Variants in PLSCR3 observed in about 807,000 individuals in gnomAD.
The protein encoded by PLSCR3 is phospholipid scramblase 3, also known as PL scramblase 3.
PLSCR3 carries 17 observed loss-of-function variants against 33.7 expected under a neutral mutation model. The ratio of observed to expected loss-of-function variants is 0.50; its 90% CI spans 0.35 to 0.76. PLSCR3 has a LOEUF of 0.76. Ranked by LOEUF, PLSCR3 falls within the 30% of genes least tolerant of loss-of-function variation. The pLI is 0.01. For missense variants in PLSCR3, 360 were observed against 394.1 expected (o/e 0.91, Z 0.73); for synonymous variants, 166 against 166.0 (o/e 1.00, Z 0.00).
In PLSCR3 at chr17:7,394,366, C is replaced by T. The variant is rs1906007621; in HGVS notation, c.-157-99G>A. 2 of 484,044 alleles carry T rather than the reference C, an allele frequency of 4.1e-6. No individual in the cohort carries two copies. Among genetic ancestry groups the T allele is most frequent in the South Asian group, 3.2e-5 (1 of 31,560 alleles). 30.0% of individuals were successfully genotyped at this position (484,044 alleles called of 1,614,324 possible). A position where few individuals can be genotyped will look rare whatever the true frequency, so the allele number is the denominator to read the frequency against. ...CAGAACCGCCCCCTCCCTTTGTTCT[C>T]CCATCCTGCGGAGGAGGCTGTGGGC... is the stretch of plus-strand genomic sequence containing the variant. On this transcript the variant is annotated intron_variant, in intron 1 of 7. Transcript: ENST00000619711. The surrounding 1 kb of genome is among the most constrained non-coding windows in gnomAD (Gnocchi z 5.3).
At chr17:7,393,880 G>T (rs368863114) in intron 2 of PLSCR3, 44 bp from the exon 3 acceptor site, 2 of 1,246,304 alleles carry the variant, frequency 1.6e-6, no homozygotes, top group Non-Finnish European at 2.2e-6. Context: ...GGGACTCAAG[G>T]CCTCATCCCC....
chr17:7,392,808 T>C lies in PLSCR3; in HGVS notation c.652A>G (p.Thr218Ala). The change falls in exon 6 of 8, where the codon ACA (threonine) becomes GCA (alanine). Residue 218 changes from threonine to alanine, a missense_variant. Physicochemically the swap from Thr to Ala is moderately conservative, Grantham distance 58. Coordinates refer to ENST00000619711, the MANE Select transcript of PLSCR3 (RefSeq NM_020360.4). ...CCTGATACCTCAAAGTTGGTGTCTGTGCCACAGCCACAGGTCCAGCAGGGC... is the reference window on the plus strand; with the variant it reads ...CCTGATACCTCAAAGTTGGTGTCTGCGCCACAGCCACAGGTCCAGCAGGGC... ...VGPCWTCGCG[T>A]DTNFEVKTRD... The C allele has an allele frequency of 6.2e-7, 1 of 1,614,024 alleles. No homozygotes were observed. Among genetic ancestry groups the C allele is most frequent in the Middle Eastern group, 1.6e-4 (1 of 6,062 alleles).
At position 7,393,298 on chromosome 17, in the gene PLSCR3, T is replaced by C; in HGVS notation, c.353A>G (p.Gln118Arg). 1 of 1,610,348 alleles carries C rather than the reference T, an allele frequency of 6.2e-7. No homozygotes were observed. Among genetic ancestry groups the C allele is most frequent in the East Asian group, 2.2e-5 (1 of 44,870 alleles). ...GCAGCAGTTGCTCTCCTCGGCCGCC[T>C]GACCCAGGGGCTGCCCGGCCCCAGA... Reference protein sequence around the residue: ...LRSGAGQPLGQAAEESNCCAR... With the variant: ...LRSGAGQPLGRAAEESNCCAR... Residue 118 changes from glutamine (Q) to arginine (R), a missense_variant, in exon 5 of 8, where the codon CAG becomes CGG. Gln to Arg is a conservative substitution (Grantham distance 43). Transcript: ENST00000619711.
At position 7,390,434 on chromosome 17, in the gene PLSCR3, A is replaced by G; in HGVS notation, c.839T>C (p.Met280Thr). Residue 280 changes from methionine to threonine, a missense_variant, in exon 8 of 8, where the codon ATG becomes ACG. Physicochemically the swap from Met to Thr is moderately conservative, Grantham distance 81 (BLOSUM62 -1). Transcript: ENST00000619711. ...AGCGCCTCCTCGCTTCTCAAAGAAC[A>G]TGTAGTCCTAAGAGGAGGCCACTGT... ...LLGATFLIDY[M>T]FFEKRGGAGP... 4 of 1,580,136 alleles carry G rather than the reference A, an allele frequency of 2.5e-6. No homozygotes were observed. The highest frequency in any genetic ancestry group is 3.4e-6 in the Non-Finnish European group (4 of 1,162,000).
At position 7,393,823 on chromosome 17, in the gene PLSCR3, G is replaced by A; in HGVS notation, c.21C>T (p.Pro7=). 2 of 1,498,232 alleles carry A rather than the reference G, an allele frequency of 1.3e-6. No homozygotes were observed. Among genetic ancestry groups the A allele is most frequent in the South Asian group, 1.2e-5 (1 of 81,536 alleles). 92.8% of individuals were successfully genotyped at this position (1,498,232 alleles called of 1,614,324 possible). The change falls in exon 3 of 8, where the codon CCC becomes CCT. Residue 7 remains proline, a synonymous_variant. Transcript: ENST00000619711. ...GTGGGGGCGAAGGGGCGTAGCCTTT[G>A]GGGGGCAAGTAGCCTGTAAAGCGGT... MAGYLP[P]KGYAPSPPPP...
chr17:7,390,490 T>C (rs771523917), intron 7 of PLSCR3, 49 bp from the exon 8 acceptor site: 108 of 1,572,646 alleles, frequency 6.9e-5, no homozygotes, highest in Non-Finnish European at 7.9e-5. Flanking sequence ...CCAGCCCAGC[T>C]TGGCTGTCAC....
In PLSCR3 at chr17:7,392,742, C is replaced by T. The variant is rs1422149189; in HGVS notation, c.669+49G>A. On this transcript the variant is annotated intron_variant, in intron 6 of 7. Coordinates refer to ENST00000619711, the MANE Select transcript of PLSCR3 (RefSeq NM_020360.4). ...TGTTAACTATCCTGCCTCATGGAAG[C>T]ATCATCTTGGTTTACGAAGGTCCCA... is the stretch of plus-strand genomic sequence containing the variant. 8 of 1,557,738 alleles carry T rather than the reference C, an allele frequency of 5.1e-6. No individual in the cohort carries two copies. The South Asian group carries it at 5.6e-5, about 11-fold the overall frequency.
At position 7,390,261 on chromosome 17, in the gene PLSCR3, TG is replaced by T; in HGVS notation, c.*123del. ...AGGCGGCCAGGGAGTAGGGTAGGGA[TG>T]GGGCCCCCCTTCTGTCCCCTGCAGT... On this transcript the variant is annotated 3_prime_UTR_variant, in exon 8 of 8. Transcript: ENST00000619711. The T allele has an allele frequency of 1.3e-6, 1 of 759,498 alleles. No homozygotes were observed. The highest frequency in any genetic ancestry group is 2.1e-6 in the Non-Finnish European group (1 of 481,334). The allele number at this position is 759,498 out of a possible 1,614,324, so 47.0% of individuals were successfully genotyped here.
rs1905839685 is a variant in PLSCR3, at chr17:7,392,928, TGCCTGGTGGA to T, written c.522_531del (p.Gly177LeufsTer45). On this transcript the variant is annotated frameshift_variant, in exon 6 of 8. Transcript: ENST00000619711. LOFTEE classifies it high-confidence loss of function. The stretch of plus-strand genomic sequence containing the variant: ...GTCTGTAGCACGTGGCCAATGGTGG[TGCCTGGTGGA>T]GCCTGTACTTCCATCTGGGAGTGGG... 2 of 1,613,556 alleles carry T rather than the reference TGCCTGGTGGA, an allele frequency of 1.2e-6. No individual in the cohort carries two copies. Among genetic ancestry groups the T allele is most frequent in the Non-Finnish European group, 1.7e-6 (2 of 1,179,742 alleles).
intron 6 of PLSCR3, 144 bp from the exon 7 acceptor site, chr17:7,390,939 G>T (rs539464295): frequency 3.7e-6 from 3 of 806,928 alleles, no homozygotes; most frequent in South Asian, 1.6e-5. Flanking sequence ...CCGAGTGATC[G>T]CTTTCCTAAC....
Position 7,393,728 on chromosome 17 carries a change from G to A in PLSCR3, c.116C>T (p.Pro39Leu), listed in dbSNP as rs1388226537. 1 of 1,526,300 alleles carries A rather than the reference G, an allele frequency of 6.6e-7. No homozygotes were observed. The allele number at this position is 1,526,300 out of a possible 1,614,324, so 94.5% of individuals were successfully genotyped here. ...LHPGPGQAPV[P>L]AQVPAPAPGF... ...GGGAGCTGGGGCAGGTACCTGGGCG[G>A]GCACTGGCGCCTGCCCGGGCCCAGG... Residue 39 changes from proline to leucine, a missense_variant, in exon 3 of 8, where the codon CCC (proline) becomes CTC (leucine). Coordinates refer to ENST00000619711, the MANE Select transcript of PLSCR3 (RefSeq NM_020360.4).
chr17:7,390,148 C>G lies in PLSCR3; in HGVS notation c.*237G>C. 4.2e-6 allele frequency: 2 copies of G among 481,658 alleles called. No homozygotes were observed. Among genetic ancestry groups the G allele is most frequent in the Middle Eastern group, 5.5e-4 (1 of 1,824 alleles). 29.8% of individuals were successfully genotyped at this position (481,658 alleles called of 1,614,324 possible). On this transcript the variant is annotated 3_prime_UTR_variant, in exon 8 of 8. Coordinates refer to ENST00000619711, the MANE Select transcript of PLSCR3 (RefSeq NM_020360.4). The stretch of plus-strand genomic sequence containing the variant: ...TGGGGAAAGTGTGAAAGCTGATATG[C>G]CTGTGTGCCGAGGGACTGCTGGGAC...
At chr17:7,390,494 C>T (rs1567650703) in intron 7 of PLSCR3, 53 bp from the exon 8 acceptor site, 1 of 1,569,394 alleles carries the variant, frequency 6.4e-7, no homozygotes, top group Non-Finnish European at 8.7e-7. Flanking sequence ...CCCAGCTTGG[C>T]TGTCACAGGC....
At position 7,389,961 on chromosome 17, in the gene PLSCR3, C is replaced by T. The variant is rs1218691943; in HGVS notation, c.*424G>A. The stretch of plus-strand genomic sequence containing the variant: ...CATGGTCTGAGGCTGAACTAATTGG[C>T]CAAGCAGATGCTAGGCAGCGGCGGG... On this transcript the variant is annotated 3_prime_UTR_variant, in exon 8 of 8. Transcript: ENST00000619711. 1.2e-5 allele frequency: 2 copies of T among 163,032 alleles called. No homozygotes were observed. The highest frequency in any genetic ancestry group is 5.9e-5 in the Admixed American group (1 of 16,828). 10.1% of individuals were successfully genotyped at this position (163,032 alleles called of 1,614,324 possible).
chr17:7,390,785 C>G lies in PLSCR3; in HGVS notation c.680G>C (p.Arg227Pro), dbSNP rs371855874. The change falls in exon 7 of 8, where the codon CGG becomes CCG. Residue 227 changes from arginine to proline, a missense_variant. By Grantham distance (103) the Arg-to-Pro change is moderately radical. Transcript: ENST00000619711. ...GCGGCCCACACTGCGGGATTCATCC[C>G]GAGTCTTCACCTGTCATCAGGGAGG... is the stretch of plus-strand genomic sequence containing the variant. ...GTDTNFEVKT[R>P]DESRSVGRIS... 1 of 1,614,006 alleles carries G rather than the reference C, an allele frequency of 6.2e-7. No homozygotes were observed. Among genetic ancestry groups the G allele is most frequent in the Non-Finnish European group, 8.5e-7 (1 of 1,179,998 alleles).
At chr17:7,392,729 T>C in intron 6 of PLSCR3, 62 bp downstream of exon 6, 1 of 1,493,658 alleles carries the variant, frequency 6.7e-7, no homozygotes, top group Non-Finnish European at 9.3e-7. Flanking sequence ...TTAACTATCC[T>C]GCCTCATGGA....
intron 5 of PLSCR3, 28 bp downstream of exon 5, chr17:7,393,116 G>A (rs1332554514): frequency 9.2e-6 from 6 of 652,642 alleles, no homozygotes; most frequent in South Asian, 2.8e-5. Flanking sequence ...ACCAAGGCCC[G>A]CCCTCCCGGC....
chr17:7,390,327 G>A lies in PLSCR3; in HGVS notation c.*58C>T. The A allele has an allele frequency of 7.5e-7, 1 of 1,328,072 alleles. No individual in the cohort carries two copies. Among genetic ancestry groups the A allele is most frequent in the Non-Finnish European group, 1.0e-6 (1 of 959,302 alleles). The allele number at this position is 1,328,072 out of a possible 1,614,324, so 82.3% of individuals were successfully genotyped here. A position where few individuals can be genotyped will look rare whatever the true frequency, so the allele number is the denominator to read the frequency against. ...GGGGCTGCCCAGAGGAGGGGCCAGGGCAGGTGACCATCTGGAGTTCTGGTC... is the reference window on the plus strand; with the variant it reads ...GGGGCTGCCCAGAGGAGGGGCCAGGACAGGTGACCATCTGGAGTTCTGGTC... On this transcript the variant is annotated 3_prime_UTR_variant, in exon 8 of 8. Coordinates refer to ENST00000619711, the MANE Select transcript of PLSCR3 (RefSeq NM_020360.4).
At position 7,393,232 on chromosome 17, in the gene PLSCR3, C is replaced by A. The variant is rs1305775836; in HGVS notation, c.419G>T (p.Arg140Leu). Residue 140 changes from arginine (R) to leucine (L), a missense_variant, in exon 5 of 8, where the codon CGC becomes CTC. By Grantham distance (102) the Arg-to-Leu change is moderately radical. Coordinates refer to ENST00000619711, the MANE Select transcript of PLSCR3 (RefSeq NM_020360.4). ...CCGARRPLRV[R>L]LADPGDREVL... Reference sequence around the variant, plus strand: ...CTCACGGTCCCCGGGGTCGGCCAGGCGGACACGCAGCGGCCGGCGGGCGCC... The same window carrying A: ...CTCACGGTCCCCGGGGTCGGCCAGGAGGACACGCAGCGGCCGGCGGGCGCC... 1.3e-6 allele frequency: 2 copies of A among 1,585,448 alleles called. No homozygotes were observed. The highest frequency in any genetic ancestry group is 2.7e-5 in the African/African-American group (2 of 74,186).
Sources: gnomAD v4.1 joint callset for allele counts on GRCh38, gnomAD v4.1.1 for gene constraint, Gnocchi (gnomAD v3.1) non-coding constraint, MANE v1.5 for transcripts, NCBI Gene and HGNC (gene_info 2026-07-23, HGNC 2026-07-21) for gene names.